Variants in MARCHF5 observed in about 807,000 individuals in gnomAD.
MARCHF5 encodes the protein E3 ubiquitin-protein ligase MARCHF5.
Under a neutral mutation model 36.5 loss-of-function variants are expected in MARCHF5, and 5 were observed. The ratio of observed to expected loss-of-function variants is 0.14; its 90% CI spans 0.07 to 0.29. The LOEUF is 0.29. Among genes scored for constraint, MARCHF5 ranks in the 10% least tolerant of loss-of-function variants. MARCHF5 has a pLI of 1.00. For synonymous variants in MARCHF5, 103 were observed against 109.9 expected (o/e 0.94, Z 0.39); for missense variants, 179 against 336.3 (o/e 0.53, Z 3.66).
intron 1 of MARCHF5, among the ~76,000 whole-genome samples, chr10:92,310,098 C>G (rs1843125993): frequency 6.6e-6 from 1 of 152,114 alleles, no homozygotes; most frequent in Non-Finnish European, 1.5e-5. Context: ...TCATGTTGTT[C>G]CACAAGGACT....
At chr10:92,339,153 T>G (rs1280211534) in intron 2 of MARCHF5, among the ~76,000 whole-genome samples, 3 of 150,904 alleles carry the variant, frequency 2.0e-5, no homozygotes, top group Admixed American at 1.3e-4. Flanking sequence ...GTGGATCACC[T>G]GAGGTCGGGA....
intron 2 of MARCHF5, among the ~76,000 whole-genome samples, chr10:92,323,124 C>T (rs1843311755): frequency 6.6e-6 from 1 of 152,190 alleles, no homozygotes; most frequent in Non-Finnish European, 1.5e-5. Context: ...ACACTGCAGC[C>T]TTGAACTCAT....
At chr10:92,311,499 A>G (rs1431886855) in intron 2 of MARCHF5, among the ~76,000 whole-genome samples, 162 bp downstream of exon 2, 2 of 152,084 alleles carry the variant, frequency 1.3e-5, no homozygotes, top group Non-Finnish European at 2.9e-5. Context: ...TTCTTTTGCT[A>G]ACAGTTTACA....
intron 3 of MARCHF5, 115 bp downstream of exon 3, chr10:92,340,918 T>G: frequency 1.1e-6 from 1 of 941,854 alleles, no homozygotes. Flanking sequence ...TCTCATGTTC[T>G]TTCTAAATGT....
intron 2 of MARCHF5, among the ~76,000 whole-genome samples, chr10:92,314,334 A>G (rs1460467051): frequency 2.6e-5 from 4 of 152,176 alleles, no homozygotes; most frequent in Admixed American, 2.0e-4. Context: ...TTTTAATGAC[A>G]TCAGTGTTAT....
intron 3 of MARCHF5, among the ~76,000 whole-genome samples, chr10:92,348,101 T>C (rs1006713948): frequency 6.6e-6 from 1 of 151,508 alleles, no homozygotes; most frequent in African/African-American, 2.4e-5. Context: ...GAGAATTGCT[T>C]GAACCTGGGA....
At chr10:92,315,345 A>G (rs984099531) in intron 2 of MARCHF5, among the ~76,000 whole-genome samples, 7 of 152,220 alleles carry the variant, frequency 4.6e-5, no homozygotes, top group African/African-American at 1.4e-4. Flanking sequence ...CTGATGATAG[A>G]ATTTTGCCAG....
intron 2 of MARCHF5, among the ~76,000 whole-genome samples, chr10:92,313,072 A>G (rs189392172): frequency 2.0e-5 from 3 of 151,888 alleles, no homozygotes; most frequent in Non-Finnish European, 4.4e-5. Context: ...TGTCTTTACT[A>G]AAAATACAAA....
At chr10:92,347,593 C>T (rs1843664652) in intron 3 of MARCHF5, among the ~76,000 whole-genome samples, 1 of 151,992 alleles carries the variant, frequency 6.6e-6, no homozygotes, top group South Asian at 2.1e-4. Flanking sequence ...ATAGGTAAAA[C>T]AGTCATGGCC....
intron 2 of MARCHF5, among the ~76,000 whole-genome samples, chr10:92,338,373 C>T (rs1409247565): frequency 6.6e-6 from 1 of 152,114 alleles, no homozygotes; most frequent in African/African-American, 2.4e-5. Flanking sequence ...GAATTCAGCA[C>T]TATATTCTGA....
Position 92,353,799 on chromosome 10 carries a change from A to G in MARCHF5, c.*2592A>G, listed in dbSNP as rs2135226860. 2 of 152,742 alleles carry G rather than the reference A, an allele frequency of 1.3e-5. No homozygotes were observed. The highest frequency in any genetic ancestry group is 6.8e-3 in the Middle Eastern group (2 of 294). 9.5% of individuals were successfully genotyped at this position (152,742 alleles called of 1,614,324 possible). ...AAAGTGGCTGAAAATATTGTTTACC[A>G]TTACATGATTATGAAATGACTGTGA... is the stretch of plus-strand genomic sequence containing the variant. On this transcript the variant is annotated 3_prime_UTR_variant, in exon 6 of 6. Coordinates refer to ENST00000358935, the MANE Select transcript of MARCHF5 (RefSeq NM_017824.5).
chr10:92,314,139 G>C (rs1029309275), intron 2 of MARCHF5, among the ~76,000 whole-genome samples: 1 of 152,156 alleles, frequency 6.6e-6, no homozygotes, highest in African/African-American at 2.4e-5. Flanking sequence ...TTGAGCCCAG[G>C]AGTTTGGGGC....
At chr10:92,302,878 A>G (rs1350256752) in intron 1 of MARCHF5, among the ~76,000 whole-genome samples, 1 of 152,194 alleles carries the variant, frequency 6.6e-6, no homozygotes, top group Non-Finnish European at 1.5e-5. Context: ...CTATTATGGC[A>G]CCATATATAA....
intron 1 of MARCHF5, chr10:92,291,751 G>C (rs1842870365): frequency 4.3e-6 from 1 of 232,370 alleles, no homozygotes; most frequent in Non-Finnish European, 7.1e-6. Flanking sequence ...AAGGAGTGGC[G>C]TCTGGTTTCC....
At chr10:92,312,231 A>G (rs917699071) in intron 2 of MARCHF5, among the ~76,000 whole-genome samples, 5 of 152,202 alleles carry the variant, frequency 3.3e-5, no homozygotes, top group African/African-American at 9.7e-5. Flanking sequence ...AATCAGACCA[A>G]TGTTTTTGAA....
chr10:92,335,161 T>C (rs1843488601), intron 2 of MARCHF5, among the ~76,000 whole-genome samples: 6 of 152,198 alleles, frequency 3.9e-5, no homozygotes, highest in Admixed American at 3.9e-4. Flanking sequence ...TCCACCAGAA[T>C]TAAGGTTTTC....
intron 1 of MARCHF5, among the ~76,000 whole-genome samples, chr10:92,300,764 C>T (rs988492777): frequency 1.4e-4 from 22 of 152,138 alleles, no homozygotes; most frequent in African/African-American, 4.8e-4. Flanking sequence ...TTTCAAAGCT[C>T]TACCCATTTT....
chr10:92,311,307 G>A lies in MARCHF5; in HGVS notation c.208G>A (p.Ala70Thr), dbSNP rs896160445. Residue 70 changes from alanine (A) to threonine (T), a missense_variant, in exon 2 of 6, where the codon GCT (alanine) becomes ACT (threonine). Transcript: ENST00000358935. ...CAGAGTGGCATGTCCTCAGTGCAAT[G>A]CTGAATACCTAATAGTTTTTCCAAA... ...TARVACPQCNAEYLIVFPKLG... is the reference protein window; with the variant it reads ...TARVACPQCNTEYLIVFPKLG... The A allele has an allele frequency of 1.9e-6, 3 of 1,602,242 alleles. No homozygotes were observed. Among genetic ancestry groups the A allele is most frequent in the Non-Finnish European group, 2.6e-6 (3 of 1,173,792 alleles).
intron 1 of MARCHF5, among the ~76,000 whole-genome samples, chr10:92,299,259 C>A (rs953525845): frequency 2.6e-5 from 4 of 152,154 alleles, no homozygotes; most frequent in African/African-American, 9.7e-5. Flanking sequence ...AGCGAAGGCA[C>A]AATTATAATC....
Sources: gnomAD v4.1 joint callset for allele counts (sites outside exome capture counted in the v4.1 genomes callset) on GRCh38, gnomAD v4.1.1 for gene constraint, MANE v1.5 for transcripts, NCBI Gene and HGNC (gene_info 2026-07-23, HGNC 2026-07-21) for gene names.